The following DMXL1 variants were observed in gnomAD, a reference collection of about 807,000 sequenced individuals.
The protein encoded by DMXL1 is dmX-like protein 1.
A neutral mutation model predicts 319.2 loss-of-function variants in DMXL1; 99 were observed. The observed-to-expected ratio is 0.31, with a 90% CI of 0.26 to 0.37. The LOEUF is 0.37. Among genes scored for constraint, DMXL1 ranks in the 10% least tolerant of loss-of-function variants. The pLI is 1.00. For synonymous variants in DMXL1, 1,385 were observed against 1,235.2 expected (o/e 1.12, Z -2.54); for missense variants, 3,745 against 3,595.6 (o/e 1.04, Z -1.06).
intron 4 of DMXL1, among the ~76,000 whole-genome samples, chr5:119,109,372 C>T (rs994359603): frequency 6.6e-5 from 10 of 152,168 alleles, no homozygotes; most frequent in African/African-American, 2.4e-4. Context: ...GCCCCTCTTC[C>T]AGTTAAGCCC....
rs1458158368 is a variant in DMXL1, at chr5:119,144,522, T to TTATTTA, written c.2467-9_2467-4dup. On this transcript the variant is annotated splice_polypyrimidine_tract_variant and intron_variant, in intron 14 of 43. Transcript: ENST00000539542. ...CACATAGGTCAACTTACGTTGATAT[T>TTATTTA]TATTTATATTCAGCATGGCAGAAAA... 5.1e-6 allele frequency: 8 copies of TTATTTA among 1,561,470 alleles called. No homozygotes were observed. The highest frequency in any genetic ancestry group is 7.0e-6 in the Non-Finnish European group (8 of 1,148,064).
intron 1 of DMXL1, among the ~76,000 whole-genome samples, chr5:119,090,551 T>C (rs1444960815): frequency 6.6e-6 from 1 of 150,816 alleles, no homozygotes; most frequent in African/African-American, 2.4e-5. Context: ...TTTGTTTTTT[T>C]CTCCTCTGTT....
chr5:119,124,086 A>G (rs1401023706), intron 9 of DMXL1, among the ~76,000 whole-genome samples: 2 of 151,726 alleles, frequency 1.3e-5, no homozygotes, highest in South Asian at 4.2e-4. Context: ...AGGCAGGCAG[A>G]TCACCTGAGG....
intron 9 of DMXL1, among the ~76,000 whole-genome samples, chr5:119,126,522 A>T (rs942180634): frequency 6.6e-6 from 1 of 152,326 alleles, no homozygotes; most frequent in African/African-American, 2.4e-5. Flanking sequence ...TAAAAGACAA[A>T]AAAGAAAATG....
In DMXL1 at chr5:119,133,235, T is replaced by C; in HGVS notation, c.1419T>C (p.Ala473=). 6.2e-7 allele frequency: 1 copy of C among 1,614,222 alleles called. No individual in the cohort carries two copies. The highest frequency in any genetic ancestry group is 8.5e-7 in the Non-Finnish European group (1 of 1,180,036). ...CAAGTTTTACATCATTATCGTCAGC[T>C]GCCATTGATCATCAGATTGAAGTAC... ...PNSSFTSLSS[A]AIDHQIEVLL... is the part of the protein sequence containing the mutation. Residue 473 remains alanine (A), a synonymous_variant, in exon 11 of 44, where the codon GCT becomes GCC. Transcript: ENST00000539542.
intron 35 of DMXL1, among the ~76,000 whole-genome samples, chr5:119,219,655 C>A (rs1190962087): frequency 6.6e-6 from 1 of 152,050 alleles, no homozygotes; most frequent in Non-Finnish European, 1.5e-5. Context: ...GCAGCCTCGA[C>A]CTCCTGGGCT....
Position 119,107,503 on chromosome 5 carries a change from C to T in DMXL1, c.364+2245C>T, listed in dbSNP as rs542430271. ...GTTTTAGACTTTTTATGCTTTTTTC[C>T]TGCTTTACTATCCATAATATCCTGC... On this transcript the variant is annotated intron_variant, in intron 4 of 43. Coordinates refer to ENST00000539542, the MANE Select transcript of DMXL1 (RefSeq NM_001290321.3). 2.6e-5 allele frequency among the ~76,000 whole-genome samples: 4 copies of T among 151,970 alleles called. No homozygotes were observed. In the South Asian group the frequency reaches 6.2e-4, roughly 24 times the overall value.
At chr5:119,127,736 G>T in intron 9 of DMXL1, 1 of 245,962 alleles carries the variant, frequency 4.1e-6, no homozygotes, top group Non-Finnish European at 8.0e-6. Context: ...GCTGCACCCA[G>T]CCAGTCCTTT....
chr5:119,114,567 A>G lies in DMXL1; in HGVS notation c.564+26A>G, dbSNP rs1484310935. 3 of 1,512,184 alleles carry G rather than the reference A, an allele frequency of 2.0e-6. No individual in the cohort carries two copies. In the South Asian group the frequency reaches 3.5e-5, roughly 18 times the overall value. 93.7% of individuals were successfully genotyped at this position (1,512,184 alleles called of 1,614,324 possible). A position where few individuals can be genotyped will look rare whatever the true frequency, so the allele number is the denominator to read the frequency against. On this transcript the variant is annotated intron_variant, in intron 6 of 43. Transcript: ENST00000539542. The stretch of plus-strand genomic sequence containing the variant: ...GTAAATTGTGAAAATGCTATTGCCA[A>G]ATTATGTGTTTATAGTTTACTTTGA...
At chr5:119,104,087 T>C (rs1371730286) in intron 3 of DMXL1, 2 of 152,192 alleles carry the variant, frequency 1.3e-5, no homozygotes, top group Non-Finnish European at 2.9e-5. Flanking sequence ...TTTAGATCCT[T>C]GTAAAAATAT....
chr5:119,214,509 T>C (rs1016915244), intron 34 of DMXL1, among the ~76,000 whole-genome samples: 6 of 152,198 alleles, frequency 3.9e-5, no homozygotes, highest in Non-Finnish European at 7.3e-5. Flanking sequence ...ATTATGTCTT[T>C]TAAGGCCCTG....
intron 30 of DMXL1, among the ~76,000 whole-genome samples, chr5:119,194,339 G>A (rs1779219343): frequency 6.6e-6 from 1 of 152,096 alleles, no homozygotes; most frequent in Admixed American, 6.5e-5. Context: ...GTTTTTGTCT[G>A]GAAAATATAT....
intron 29 of DMXL1, among the ~76,000 whole-genome samples, chr5:119,193,400 G>C (rs1779043327): frequency 2.0e-5 from 3 of 151,948 alleles, no homozygotes; most frequent in African/African-American, 7.2e-5. Context: ...GTTCCTTCTT[G>C]TCATTTAGTT....
chr5:119,203,611 A>G (rs1781218619), intron 33 of DMXL1, among the ~76,000 whole-genome samples, 175 bp downstream of exon 33: 2 of 152,198 alleles, frequency 1.3e-5, no homozygotes, highest in African/African-American at 4.8e-5. Context: ...TCATAAATCA[A>G]TTTAATTAAT....
In DMXL1 at chr5:119,177,541, A is replaced by C. The variant is rs563455434; in HGVS notation, c.6886+57A>C. On this transcript the variant is annotated intron_variant, in intron 27 of 43. Transcript: ENST00000539542. Reference sequence around the variant, plus strand: ...TTAGTCTTATTTATAATCTTAGATAAGTAGAAAGACTTTTAGTTTTGCCAC... The same window carrying C: ...TTAGTCTTATTTATAATCTTAGATACGTAGAAAGACTTTTAGTTTTGCCAC... 1.9e-5 allele frequency: 27 copies of C among 1,425,640 alleles called. No individual in the cohort carries two copies. The African/African-American group carries it at 4.5e-4, about 24-fold the overall frequency. 88.3% of individuals were successfully genotyped at this position (1,425,640 alleles called of 1,614,324 possible). A position where few individuals can be genotyped will look rare whatever the true frequency, so the allele number is the denominator to read the frequency against.
intron 34 of DMXL1, among the ~76,000 whole-genome samples, chr5:119,214,986 A>G (rs1038249176): frequency 9.2e-5 from 14 of 152,152 alleles, no homozygotes; most frequent in African/African-American, 3.1e-4. Context: ...CATTTAGTAT[A>G]CTTTAGATGC....
intron 28 of DMXL1, among the ~76,000 whole-genome samples, chr5:119,180,140 ATTTGCC>A (rs1294826627): frequency 6.6e-6 from 1 of 152,162 alleles, no homozygotes; most frequent in Admixed American, 6.5e-5. Context: ...GGAATAGAAT[ATTTGCC>A]TTCCCTGTTA....
chr5:119,210,757 G>GTTTTTTTTTTTTTTTTTTTTTCTT, intron 34 of DMXL1, among the ~76,000 whole-genome samples: 141 of 89,772 alleles, frequency 1.6e-3, no homozygotes, highest in Non-Finnish European at 2.0e-3. Flanking sequence ...TTTTTCTTTC[G>GTTTTTTTTTTTTTTTTTTTTTCTT]TTTTTTTTTT....
chr5:119,114,824 A>G (rs1367316226), intron 6 of DMXL1, among the ~76,000 whole-genome samples: 3 of 152,042 alleles, frequency 2.0e-5, no homozygotes, highest in Admixed American at 6.6e-5. Context: ...CCACACCACT[A>G]TGCCCGTCTA....
Sources: allele counts gnomAD v4.1 joint callset (sites outside exome capture counted in the v4.1 genomes callset), GRCh38; gene constraint gnomAD v4.1.1; transcripts MANE v1.5; gene names NCBI Gene and HGNC (gene_info 2026-07-23, HGNC 2026-07-21).